ADGRD1: variants seen among roughly 807,000 people sequenced by gnomAD.
The protein encoded by ADGRD1 is adhesion G protein-coupled receptor D1.
A neutral mutation model predicts 113.4 loss-of-function variants in ADGRD1; 77 were observed. The observed-to-expected ratio is 0.68, with a 90% confidence interval of 0.57 to 0.82. The LOEUF (loss-of-function observed/expected upper bound fraction) is 0.82. Ranked by LOEUF, ADGRD1 falls within the 40% of genes least tolerant of loss-of-function variation. The pLI is 0.00. For missense variants in ADGRD1, 1,036 were observed against 1,139.1 expected, an observed-to-expected ratio of 0.91 and a Z score of 1.30; for synonymous variants, 474 against 475.0, an observed-to-expected ratio of 1.00 and a Z score of 0.03.
At chr12:131,009,195 G>GTCA (rs1272987394) in intron 12 of ADGRD1, among the ~76,000 whole-genome samples, 5 of 152,234 alleles carry the variant, frequency 3.3e-5, no homozygotes, top group Non-Finnish European at 7.3e-5. Flanking sequence ...TTGCTGTCAC[G>GTCA]TCATGGGAGA....
intron 5 of ADGRD1, among the ~76,000 whole-genome samples, chr12:130,986,158 T>A (rs1038111974): frequency 2.0e-5 from 3 of 152,210 alleles, no homozygotes; most frequent in Non-Finnish European, 4.4e-5. Flanking sequence ...CTCTCTTCCT[T>A]CTCCATAGTT....
intron 13 of ADGRD1, among the ~76,000 whole-genome samples, chr12:131,033,786 C>T (rs1002682949): frequency 6.6e-6 from 1 of 152,188 alleles, no homozygotes; most frequent in Non-Finnish European, 1.5e-5. Flanking sequence ...TGGTCATTTC[C>T]ACGGCTGCTG....
At chr12:131,000,585 A>G in intron 9 of ADGRD1, 143 bp downstream of exon 9, 3 of 572,142 alleles carry the variant, frequency 5.2e-6, no homozygotes, top group Non-Finnish European at 9.6e-6. Context: ...TACTAAAAAT[A>G]CAAAAATTAG....
chr12:131,064,739 G>A (rs1190661841), intron 13 of ADGRD1, among the ~76,000 whole-genome samples: 1 of 152,182 alleles, frequency 6.6e-6, no homozygotes. Context: ...CTACTCAAGT[G>A]AGTTTATCTT....
chr12:131,036,124 G>A (rs1036504950), intron 13 of ADGRD1, among the ~76,000 whole-genome samples: 1 of 152,176 alleles, frequency 6.6e-6, no homozygotes, highest in Non-Finnish European at 1.5e-5. Context: ...CATGGGGACA[G>A]CAGGGTTCAG....
At chr12:131,118,233 G>A (rs1056999124) in intron 18 of ADGRD1, 152 bp from the exon 19 acceptor site, 10 of 606,846 alleles carry the variant, frequency 1.6e-5, no homozygotes, top group Admixed American at 6.4e-5. Context: ...GATAGGGGCT[G>A]TTCTGTGTCC....
intron 13 of ADGRD1, among the ~76,000 whole-genome samples, chr12:131,056,347 C>A (rs1883861510): frequency 6.6e-6 from 1 of 152,164 alleles, no homozygotes; most frequent in Non-Finnish European, 1.5e-5. Context: ...ATGATCAATG[C>A]AAGGACCACT....
chr12:131,012,424 G>C (rs775911007), intron 12 of ADGRD1, among the ~76,000 whole-genome samples: 5 of 152,160 alleles, frequency 3.3e-5, no homozygotes, highest in African/African-American at 4.8e-5. Flanking sequence ...GATGACCCTG[G>C]TTTGCTCCAG....
chr12:131,126,320 A>G (rs1950737075), intron 20 of ADGRD1, among the ~76,000 whole-genome samples: 3 of 152,120 alleles, frequency 2.0e-5, no homozygotes, highest in Admixed American at 2.0e-4. Context: ...GACTTCTGCT[A>G]TGGGACAGTG....
intron 21 of ADGRD1, among the ~76,000 whole-genome samples, chr12:131,133,467 C>G (rs552360168): frequency 4.4e-4 from 67 of 152,330 alleles, no homozygotes; most frequent in African/African-American, 1.6e-3. Context: ...GTCTGCAGCT[C>G]TTGTGAAGGC....
At chr12:131,126,119 T>C (rs1415681955) in intron 20 of ADGRD1, among the ~76,000 whole-genome samples, 1 of 152,232 alleles carries the variant, frequency 6.6e-6, no homozygotes, top group East Asian at 1.9e-4. Context: ...TCAAAGTTCA[T>C]GTAACTTAAT....
rs766881728 is a variant in ADGRD1, at chr12:131,003,345, G to A, written c.1144+43G>A. On this transcript the variant is annotated intron_variant, in intron 10 of 24. Coordinates refer to ENST00000261654, the MANE Select transcript of ADGRD1 (RefSeq NM_198827.5). The surrounding 1 kb of genome is among the most constrained non-coding windows in gnomAD (Gnocchi z 4.8). Reference sequence around the variant, plus strand: ...GGGTGAGCCACATGGCAGGGGCGGGGGCTGGAGGCTGCGTTTCACTGCCTG... The same window carrying A: ...GGGTGAGCCACATGGCAGGGGCGGGAGCTGGAGGCTGCGTTTCACTGCCTG... 1.0e-5 allele frequency: 14 copies of A among 1,336,252 alleles called. No homozygotes were observed. In the South Asian group the frequency reaches 1.5e-4, roughly 14 times the overall value. The allele number at this position is 1,336,252 out of a possible 1,614,324, so 82.8% of individuals were successfully genotyped here.
rs1015425009 is a variant in ADGRD1 at position 131,041,999 on chromosome 12, G to A, written c.1473+27659G>A. Among the ~76,000 whole-genome samples the A allele has an allele frequency of 1.6e-4, 24 of 152,160 alleles. No individual in the cohort carries two copies. Among genetic ancestry groups the A allele is most frequent in the Admixed American group, 1.3e-3 (20 of 15,286 alleles). ...AGTCGGGTTTGTTATCCGAGTCCCC[G>A]AGGAGAAGGCACCATGTGTCCTTGG... On this transcript the variant is annotated intron_variant, in intron 13 of 24. Coordinates refer to ENST00000261654, the MANE Select transcript of ADGRD1 (RefSeq NM_198827.5). The surrounding 1 kb of genome is among the most constrained non-coding windows in gnomAD (Gnocchi z 4.4).
chr12:131,007,892 A>G (rs1877355037), intron 12 of ADGRD1, among the ~76,000 whole-genome samples: 1 of 35,786 alleles, frequency 2.8e-5, no homozygotes, highest in Admixed American at 2.1e-4. Context: ...CTGGAAAAAA[A>G]TCATGCAAAC....
intron 13 of ADGRD1, among the ~76,000 whole-genome samples, chr12:131,073,975 A>G (rs760087347): frequency 1.5e-4 from 23 of 152,208 alleles, no homozygotes; most frequent in Non-Finnish European, 3.2e-4. Context: ...GTTCCAACAC[A>G]TGAGCTTTTG....
At chr12:131,109,166 C>G (rs1196501755) in intron 18 of ADGRD1, among the ~76,000 whole-genome samples, 1 of 152,188 alleles carries the variant, frequency 6.6e-6, no homozygotes, top group Admixed American at 6.5e-5. Flanking sequence ...TTCCAACATT[C>G]CTGACTTGGT....
chr12:131,133,082 A>G (rs573974173), intron 21 of ADGRD1, among the ~76,000 whole-genome samples: 2 of 152,186 alleles, frequency 1.3e-5, no homozygotes, highest in East Asian at 3.9e-4. Context: ...GGGGTCAGAG[A>G]TCACGTCCTT....
At chr12:131,043,578 C>G (rs1882362839) in intron 13 of ADGRD1, among the ~76,000 whole-genome samples, 1 of 152,248 alleles carries the variant, frequency 6.6e-6, no homozygotes, top group Non-Finnish European at 1.5e-5. Flanking sequence ...TTCTCTACAC[C>G]CTTTGGTGAG....
At chr12:131,102,081 C>A (rs1027267944) in intron 15 of ADGRD1, among the ~76,000 whole-genome samples, 4 of 152,186 alleles carry the variant, frequency 2.6e-5, no homozygotes, top group African/African-American at 9.7e-5. Flanking sequence ...GCTTTATATT[C>A]ATCCAAAAAG....
Sources: allele counts gnomAD v4.1 joint callset (sites outside exome capture counted in the v4.1 genomes callset), GRCh38; gene constraint gnomAD v4.1.1; non-coding constraint Gnocchi (gnomAD v3.1); transcripts MANE v1.5; gene names NCBI Gene and HGNC (gene_info 2026-07-23, HGNC 2026-07-21).